The following TRPM8 variants were observed in gnomAD, a reference collection of about 807,000 sequenced individuals.
The protein encoded by TRPM8 is transient receptor potential cation channel subfamily M member 8, also known as TRPM8 cationic channel.
A neutral mutation model predicts 133.7 loss-of-function variants in TRPM8; 110 were observed. That is an observed-to-expected ratio of 0.82 (90% CI 0.70 to 0.96). TRPM8 has a LOEUF of 0.96. TRPM8 is among the 40% of genes least tolerant of loss of function. The pLI is 0.00. For synonymous variants in TRPM8, 535 were observed against 532.3 expected (o/e 1.01, Z -0.07); for missense variants, 1,291 against 1,379.5 (o/e 0.94, Z 1.02).
At chr2:233,985,476 CA>C (rs60604808) in intron 20 of TRPM8, among the ~76,000 whole-genome samples, 23,554 of 152,230 alleles carry the variant, frequency 0.15, 2,021 homozygotes, top group East Asian at 0.42. Context: ...TTGATCTTAA[CA>C]AAGCCCCTTG....
intron 24 of TRPM8, among the ~76,000 whole-genome samples, chr2:234,008,307 T>G (rs778731233): frequency 2.0e-4 from 30 of 152,332 alleles, no homozygotes; most frequent in Non-Finnish European, 4.0e-4. Flanking sequence ...CCCACTTCCA[T>G]GATGTCCAAA....
intron 11 of TRPM8, among the ~76,000 whole-genome samples, chr2:233,957,672 G>A (rs1167897427): frequency 6.6e-6 from 1 of 152,022 alleles, no homozygotes; most frequent in Non-Finnish European, 1.5e-5. Flanking sequence ...TGCTCTGAAG[G>A]CCAATTGTGT....
intron 4 of TRPM8, among the ~76,000 whole-genome samples, chr2:233,938,221 C>T (rs955900641): frequency 1.3e-5 from 2 of 152,234 alleles, no homozygotes; most frequent in Admixed American, 1.3e-4. Flanking sequence ...GTAAAGCCCA[C>T]CCTGTTCCTA....
At chr2:233,987,076 C>G (rs570038226) in intron 21 of TRPM8, among the ~76,000 whole-genome samples, 2 of 152,112 alleles carry the variant, frequency 1.3e-5, no homozygotes, top group African/African-American at 2.4e-5. Flanking sequence ...AAACCTCTGT[C>G]GGAACTCTCT....
chr2:233,993,650 C>G (rs964223550), intron 21 of TRPM8, among the ~76,000 whole-genome samples: 1 of 152,136 alleles, frequency 6.6e-6, no homozygotes, highest in Non-Finnish European at 1.5e-5. Flanking sequence ...ATGTTTTTCC[C>G]TGACTCCAAG....
chr2:234,000,801 C>T (rs1692541023), intron 22 of TRPM8, among the ~76,000 whole-genome samples: 3 of 152,042 alleles, frequency 2.0e-5, no homozygotes, highest in South Asian at 4.1e-4. Flanking sequence ...GCCTCAGGAT[C>T]CCGAGTAGCT....
rs202216812 is a variant in TRPM8 at position 234,018,925 on chromosome 2, C to T, written c.*1669C>T. ...AATGGTATAGAATTGGAGAGATTAT[C>T]TTACTGAACACCTGTAGTCCCAGCT... On this transcript the variant is annotated 3_prime_UTR_variant, in exon 26 of 26. Coordinates refer to ENST00000324695, the MANE Select transcript of TRPM8 (RefSeq NM_024080.5). 2 of 152,004 alleles carry T rather than the reference C, an allele frequency of 1.3e-5. No homozygotes were observed. The highest frequency in any genetic ancestry group is 4.2e-4 in the South Asian group (2 of 4,818). The allele number at this position is 152,004 out of a possible 1,614,324, so 9.4% of individuals were successfully genotyped here. A position where few individuals can be genotyped will look rare whatever the true frequency, so the allele number is the denominator to read the frequency against.
chr2:234,006,878 T>G lies in TRPM8; in HGVS notation c.3156T>G (p.Thr1052=), dbSNP rs767033321. ...VCCFKNEDNE[T]LAWEGVMKEN... is the part of the protein sequence containing the mutation. Reference sequence around the variant, plus strand: ...GTTTCAAAAATGAAGACAATGAGACTCTGGCATGGGAGGGTGTCATGAAGG... The same window carrying G: ...GTTTCAAAAATGAAGACAATGAGACGCTGGCATGGGAGGGTGTCATGAAGG... Residue 1052 remains threonine, a synonymous_variant, in exon 23 of 26, where the codon ACT becomes ACG. Transcript: ENST00000324695. The G allele has an allele frequency of 7.4e-5, 119 of 1,613,742 alleles. No individual in the cohort carries two copies. The highest frequency in any genetic ancestry group is 9.8e-5 in the Non-Finnish European group (116 of 1,179,794).
At chr2:233,953,761 T>C in intron 9 of TRPM8, 156 bp from the exon 10 acceptor site, 1 of 579,602 alleles carries the variant, frequency 1.7e-6, no homozygotes, top group Admixed American at 3.1e-5. Flanking sequence ...TTATTCTCAC[T>C]GTAGTCAAGG....
Position 233,963,273 on chromosome 2 carries a change from ACC to A in TRPM8, c.1654-4_1654-3del. ...TTGCACATGCTGACCACATGCTCTA[ACC>A]CCCCAGGACGTGTCTCCTATTACTC... is the stretch of plus-strand genomic sequence containing the variant. On this transcript the variant is annotated splice_polypyrimidine_tract_variant and splice_region_variant and intron_variant, in intron 12 of 25. Transcript: ENST00000324695. 1 of 1,601,528 alleles carries A rather than the reference ACC, an allele frequency of 6.2e-7. No individual in the cohort carries two copies. The highest frequency in any genetic ancestry group is 8.5e-7 in the Non-Finnish European group (1 of 1,170,156).
At chr2:234,000,973 C>T (rs1355367192) in intron 22 of TRPM8, among the ~76,000 whole-genome samples, 1 of 152,220 alleles carries the variant, frequency 6.6e-6, no homozygotes, top group Non-Finnish European at 1.5e-5. Context: ...CTACTGTTCT[C>T]AGCCAAACTT....
At position 233,989,414 on chromosome 2, in the gene TRPM8, C is replaced by A. The variant is rs28902216; in HGVS notation, c.2939+3549C>A. ...GCTTAAGTGTGACAGCTTGCAACAT[C>A]CCTGTCCTTGGGGAACCTCCTCGAT... On this transcript the variant is annotated intron_variant, in intron 21 of 25. Transcript: ENST00000324695. The surrounding 1 kb of genome is among the most constrained non-coding windows in gnomAD (Gnocchi z 4.2). Among the ~76,000 whole-genome samples, 7,587 of 152,272 alleles carry A rather than the reference C, an allele frequency of 0.05. 444 individuals are homozygous for A. The highest frequency in any genetic ancestry group is 0.14 in the African/African-American group (5,739 of 41,520).
At chr2:233,937,256 G>A (rs1352898558) in intron 3 of TRPM8, 97 bp from the exon 4 acceptor site, 4 of 1,426,458 alleles carry the variant, frequency 2.8e-6, no homozygotes, top group Non-Finnish European at 3.9e-6. Flanking sequence ...AAGACTTGAA[G>A]GTATCCTTTG....
At chr2:233,985,957 C>A in intron 21 of TRPM8, 92 bp downstream of exon 21, 5 of 1,213,896 alleles carry the variant, frequency 4.1e-6, no homozygotes, top group Non-Finnish European at 5.8e-6. Context: ...AGGTCCCACC[C>A]TTGAGGAACA....
chr2:233,990,306 CA>C (rs750700985), intron 21 of TRPM8, among the ~76,000 whole-genome samples: 4 of 152,104 alleles, frequency 2.6e-5, no homozygotes, highest in Non-Finnish European at 5.9e-5. Flanking sequence ...GAAAGTGAGT[CA>C]AAAGCAAAAG....
At chr2:233,939,199 G>A (rs770061602) in intron 5 of TRPM8, 24 bp downstream of exon 5, 2 of 1,610,604 alleles carry the variant, frequency 1.2e-6, no homozygotes, top group South Asian at 1.1e-5. Flanking sequence ...CAGCGACCGC[G>A]GGTTCTTCCA....
At position 233,926,524 on chromosome 2, in the gene TRPM8, T is replaced by C; in HGVS notation, c.-5-9T>C. On this transcript the variant is annotated splice_polypyrimidine_tract_variant and intron_variant, in intron 1 of 25. Transcript: ENST00000324695. ...AACCCAAACTTATCCCCTCCAACCA[T>C]CGTCACAGAAAAGATGTCCTTTCGG... 2 of 1,608,318 alleles carry C rather than the reference T, an allele frequency of 1.2e-6. No homozygotes were observed. The highest frequency in any genetic ancestry group is 1.7e-6 in the Non-Finnish European group (2 of 1,174,780).
rs772920947 is a variant in TRPM8 at position 233,970,399 on chromosome 2, T to C, written c.2328T>C (p.Phe776=). 1.4e-5 allele frequency: 23 copies of C among 1,614,128 alleles called. No homozygotes were observed. The East Asian group carries it at 4.9e-4, about 34-fold the overall frequency. ...AGCTGGTCCTGTACTCGCTGGTCTT[T>C]GTCCTCTTCTGTGATGAAGTGAGAC... is the stretch of plus-strand genomic sequence containing the variant. ...PPELVLYSLV[F]VLFCDEVRQW... The change falls in exon 17 of 26, where the codon TTT becomes TTC. Residue 776 remains phenylalanine (F), a synonymous_variant. Coordinates refer to ENST00000324695, the MANE Select transcript of TRPM8 (RefSeq NM_024080.5).
chr2:233,981,740 A>C, intron 18 of TRPM8, 34 bp from the exon 19 acceptor site: 1 of 1,568,100 alleles, frequency 6.4e-7, no homozygotes, highest in Non-Finnish European at 8.6e-7. Context: ...TTTTGTCAAT[A>C]TCTCATGAAT....
Sources: allele counts gnomAD v4.1 joint callset (sites outside exome capture counted in the v4.1 genomes callset), GRCh38; gene constraint gnomAD v4.1.1; non-coding constraint Gnocchi (gnomAD v3.1); transcripts MANE v1.5; gene names NCBI Gene and HGNC (gene_info 2026-07-23, HGNC 2026-07-21).